Variants in PDZD2 observed in about 807,000 individuals in gnomAD.
PDZD2 encodes PDZ domain containing 2, also known as PDZ domain-containing protein 2.
Under a neutral mutation model 220.7 loss-of-function variants are expected in PDZD2, and 90 were observed. The ratio of observed to expected loss-of-function variants is 0.41; its 90% CI spans 0.34 to 0.49. The LOEUF (loss-of-function observed/expected upper bound fraction) is 0.49. Among genes scored for constraint, PDZD2 ranks in the 20% least tolerant of loss-of-function variants. The pLI, the probability that PDZD2 is intolerant of heterozygous loss-of-function variation, is 0.28. For synonymous variants in PDZD2, 1,375 were observed against 1,450.5 expected, an observed-to-expected ratio of 0.95 and a Z score of 1.18; for missense variants, 3,174 against 3,608.5, an observed-to-expected ratio of 0.88 and a Z score of 3.08.
intron 6 of PDZD2, among the ~76,000 whole-genome samples, chr5:32,017,549 G>A (rs1753875796): frequency 6.6e-6 from 1 of 152,150 alleles, no homozygotes; most frequent in Admixed American, 6.6e-5. Flanking sequence ...GCCCTTCTGG[G>A]AATTTCTCTC....
At chr5:31,768,613 G>GC (rs370836802) in intron 1 of PDZD2, among the ~76,000 whole-genome samples, 3,710 of 148,770 alleles carry the variant, frequency 0.025, 146 homozygotes, top group African/African-American at 0.086. Flanking sequence ...CTGCACTCCA[G>GC]CTGGGCAACA....
intron 1 of PDZD2, among the ~76,000 whole-genome samples, chr5:31,678,580 C>T (rs760296665): frequency 5.3e-5 from 8 of 152,022 alleles, no homozygotes; most frequent in Non-Finnish European, 1.0e-4. Context: ...ATCACAGCAC[C>T]CCCTACAGCC....
chr5:31,902,198 AC>A (rs980667955), intron 2 of PDZD2, among the ~76,000 whole-genome samples: 1 of 152,194 alleles, frequency 6.6e-6, no homozygotes, highest in African/African-American at 2.4e-5. Context: ...TTACATTCCT[AC>A]CAACAATGCA....
In PDZD2 at chr5:31,983,553, A is replaced by C; in HGVS notation, c.875A>C (p.His292Pro). Residue 292 changes from histidine to proline, a missense_variant, in exon 3 of 25, where the codon CAT becomes CCT. Transcript: ENST00000438447. ...TCAGAAGTGGACAGAGGGACAGAGC[A>C]TAGAATTCCAAAGACAGATGCTCCT... ...ERSEVDRGTE[H>P]RIPKTDAPLT... 6.2e-7 allele frequency: 1 copy of C among 1,614,208 alleles called. No individual in the cohort carries two copies. Among genetic ancestry groups the C allele is most frequent in the Non-Finnish European group, 8.5e-7 (1 of 1,180,012 alleles).
intron 1 of PDZD2, among the ~76,000 whole-genome samples, chr5:31,689,355 T>TATATATATATATA (rs1208262874): frequency 8.6e-4 from 18 of 20,860 alleles, no homozygotes; most frequent in East Asian, 3.1e-3. Context: ...ATATATATAT[T>TATATATATATATA]TTTTTTTTTT....
chr5:31,782,523 T>C (rs1753115449), intron 1 of PDZD2, among the ~76,000 whole-genome samples: 2 of 151,932 alleles, frequency 1.3e-5, no homozygotes, highest in Admixed American at 1.3e-4. Context: ...AATTGATCAA[T>C]AGTTTCCAGG....
At chr5:31,890,386 T>G (rs2150347085) in intron 2 of PDZD2, among the ~76,000 whole-genome samples, 1 of 152,238 alleles carries the variant, frequency 6.6e-6, no homozygotes, top group South Asian at 2.1e-4. Context: ...TTTTAATACT[T>G]TTGCAAAATA....
chr5:31,960,101 C>A (rs1278822952), intron 2 of PDZD2, among the ~76,000 whole-genome samples: 1 of 152,178 alleles, frequency 6.6e-6, no homozygotes, highest in Non-Finnish European at 1.5e-5. Context: ...AACAAGGTCA[C>A]ATTCTGAGGT....
intron 2 of PDZD2, among the ~76,000 whole-genome samples, chr5:31,949,037 G>A (rs1460639523): frequency 1.4e-5 from 2 of 142,198 alleles, no homozygotes; most frequent in Non-Finnish European, 3.0e-5. Context: ...GGCGGAGGTT[G>A]CACTGAGCTG....
chr5:32,102,425 G>A (rs1744339161), intron 24 of PDZD2, among the ~76,000 whole-genome samples: 1 of 151,560 alleles, frequency 6.6e-6, no homozygotes, highest in South Asian at 2.1e-4. Context: ...TTACTCGAGT[G>A]GCAGCCAGGA....
intron 1 of PDZD2, among the ~76,000 whole-genome samples, chr5:31,645,352 T>TTTTTTTTC (rs1554059041): frequency 7.4e-6 from 1 of 135,706 alleles, no homozygotes; most frequent in Non-Finnish European, 1.7e-5. Flanking sequence ...TTTTTTTTTT[T>TTTTTTTTC]TTGAGACGGA....
chr5:31,737,366 G>A (rs1465567406), intron 1 of PDZD2, among the ~76,000 whole-genome samples: 3 of 151,768 alleles, frequency 2.0e-5, no homozygotes, highest in Non-Finnish European at 4.4e-5. Context: ...TAGAGATGGG[G>A]TTTCACCGTG....
chr5:31,959,790 C>G (rs1312459842), intron 2 of PDZD2, among the ~76,000 whole-genome samples: 2 of 152,162 alleles, frequency 1.3e-5, no homozygotes, highest in Non-Finnish European at 2.9e-5. Context: ...TCTGACAGTT[C>G]TAGAGACTTG....
chr5:31,910,263 A>G (rs991686886), intron 2 of PDZD2, among the ~76,000 whole-genome samples: 30 of 122,178 alleles, frequency 2.5e-4, no homozygotes, highest in African/African-American at 9.6e-4. Flanking sequence ...TCTGTCGCCC[A>G]GGCTGGAGTA....
rs559742329 is a variant in PDZD2, at chr5:31,662,854, T to A, written c.-361+23417T>A. On this transcript the variant is annotated intron_variant, in intron 1 of 24. Coordinates refer to ENST00000438447, the MANE Select transcript of PDZD2 (RefSeq NM_178140.4). The stretch of plus-strand genomic sequence containing the variant: ...ACCGTGTTAGCCAGGATGGTCTTGA[T>A]CTCCTGACCTTGTGATCCACCCGCT... 1.1e-4 allele frequency among the ~76,000 whole-genome samples: 16 copies of A among 152,154 alleles called. 1 individual carries two copies. The highest frequency in any genetic ancestry group is 1.0e-3 in the Admixed American group (16 of 15,252).
rs545077581 is a variant in PDZD2 at position 32,064,903 on chromosome 5, G to T, written c.2451+3769G>T. On this transcript the variant is annotated intron_variant, in intron 14 of 24. Transcript: ENST00000438447. The stretch of plus-strand genomic sequence containing the variant: ...GAATCACTTGAACCCAGGAGATGGA[G>T]GTTGCAGTGAGCCAGGATCGTGCCA... Among the ~76,000 whole-genome samples the T allele has an allele frequency of 7.2e-5, 11 of 152,332 alleles. No individual in the cohort carries two copies. In the East Asian group the frequency reaches 1.9e-3, roughly 27 times the overall value.
chr5:31,973,453 A>G (rs1210549340), intron 2 of PDZD2, among the ~76,000 whole-genome samples: 1 of 152,172 alleles, frequency 6.6e-6, no homozygotes, highest in Non-Finnish European at 1.5e-5. Flanking sequence ...CGTACTCCTT[A>G]AATCTAGGAG....
chr5:32,077,765 T>C (rs972614390), intron 19 of PDZD2, 159 bp downstream of exon 19: 1 of 628,338 alleles, frequency 1.6e-6, no homozygotes, highest in African/African-American at 1.8e-5. Context: ...GAGACCAGCC[T>C]GGCCAACATG....
intron 23 of PDZD2, chr5:32,099,955 G>GC (rs1198808049): frequency 6.6e-6 from 1 of 152,238 alleles, no homozygotes; most frequent in Non-Finnish European, 1.5e-5. Flanking sequence ...CCAGCTGGGG[G>GC]CCCGGTGCAG....
Sources: allele counts gnomAD v4.1 joint callset (sites outside exome capture counted in the v4.1 genomes callset), GRCh38; gene constraint gnomAD v4.1.1; transcripts MANE v1.5; gene names NCBI Gene and HGNC (gene_info 2026-07-23, HGNC 2026-07-21).